The following DOCK2 variants were observed in gnomAD, a reference collection of about 807,000 sequenced individuals.
DOCK2 encodes dedicator of cytokinesis protein 2.
A neutral mutation model predicts 248.9 loss-of-function variants in DOCK2; 87 were observed. The observed-to-expected ratio is 0.35, with a 90% CI of 0.29 to 0.42. DOCK2 has a LOEUF of 0.42. DOCK2 is among the 10% of genes least tolerant of loss of function. The probability of loss-of-function intolerance (pLI) is 1.00; values close to 1 mark genes in which losing one functional copy is unlikely to be tolerated. For missense variants in DOCK2, 1,747 were observed against 2,300.2 expected (o/e 0.76, Z 4.92); for synonymous variants, 805 against 821.6 (o/e 0.98, Z 0.35).
intron 2 of DOCK2, among the ~76,000 whole-genome samples, chr5:169,660,617 G>A (rs1758393929): frequency 6.6e-6 from 1 of 152,212 alleles, no homozygotes; most frequent in Non-Finnish European, 1.5e-5. Context: ...GGCACACCAA[G>A]AGCCATAGGC....
chr5:169,867,199 G>C (rs1248802453), intron 27 of DOCK2, among the ~76,000 whole-genome samples: 1 of 152,218 alleles, frequency 6.6e-6, no homozygotes, highest in Non-Finnish European at 1.5e-5. Flanking sequence ...TCCAGGGTAT[G>C]GGCAGGACCC....
chr5:169,923,032 T>C (rs1264613074), intron 27 of DOCK2, among the ~76,000 whole-genome samples: 1 of 152,190 alleles, frequency 6.6e-6, no homozygotes, highest in Non-Finnish European at 1.5e-5. Flanking sequence ...TTCACAGATG[T>C]GGAAACTAAT....
chr5:169,996,757 C>A (rs527692056), intron 30 of DOCK2, among the ~76,000 whole-genome samples: 4 of 152,198 alleles, frequency 2.6e-5, no homozygotes, highest in African/African-American at 7.2e-5. Flanking sequence ...GAAGGCCCCC[C>A]ACAAAAGGAT....
intron 1 of DOCK2, among the ~76,000 whole-genome samples, chr5:169,642,896 T>G (rs1367017269): frequency 6.6e-6 from 1 of 152,236 alleles, no homozygotes; most frequent in Non-Finnish European, 1.5e-5. Context: ...TTTTGAGAGA[T>G]GAAATGTAGT....
At chr5:169,857,440 G>A (rs750108456) in intron 27 of DOCK2, among the ~76,000 whole-genome samples, 1 of 152,132 alleles carries the variant, frequency 6.6e-6, no homozygotes, top group Non-Finnish European at 1.5e-5. Flanking sequence ...ATGCCATGTA[G>A]ACCTCAGGGA....
At chr5:169,689,135 T>A (rs1760150262) in intron 8 of DOCK2, 117 bp from the exon 9 acceptor site, 1 of 890,910 alleles carries the variant, frequency 1.1e-6, no homozygotes, top group African/African-American at 1.7e-5. Context: ...CTTAAACACC[T>A]GCATACCCCC....
At chr5:169,875,597 T>C (rs193093692) in intron 27 of DOCK2, 22 of 236,972 alleles carry the variant, frequency 9.3e-5, no homozygotes, top group Admixed American at 5.7e-4. Flanking sequence ...CTCTCTCAGC[T>C]TCAATTGCCT....
chr5:169,685,441 C>T (rs1399871806), intron 8 of DOCK2, among the ~76,000 whole-genome samples: 3 of 152,182 alleles, frequency 2.0e-5, no homozygotes, highest in African/African-American at 7.2e-5. Context: ...CCTGTCTCCT[C>T]CATTGGGGTT....
At chr5:169,772,768 T>C (rs1765161628) in intron 25 of DOCK2, among the ~76,000 whole-genome samples, 2 of 152,190 alleles carry the variant, frequency 1.3e-5, no homozygotes, top group Admixed American at 1.3e-4. Flanking sequence ...CTCCCAATAC[T>C]GTGTTGAGAA....
intron 5 of DOCK2, 67 bp from the exon 6 acceptor site, chr5:169,674,230 C>G: frequency 6.3e-7 from 1 of 1,575,584 alleles, no homozygotes; most frequent in South Asian, 1.2e-5. Context: ...GACTTTGGCA[C>G]AGCCTGCCAA....
chr5:169,690,595 G>A (rs2113405297), intron 9 of DOCK2, among the ~76,000 whole-genome samples: 1 of 152,284 alleles, frequency 6.6e-6, no homozygotes, highest in Admixed American at 6.5e-5. Context: ...CCTCCATCCT[G>A]TTTATCTGTT....
At chr5:169,848,884 C>T (rs1770469842) in intron 27 of DOCK2, among the ~76,000 whole-genome samples, 1 of 152,174 alleles carries the variant, frequency 6.6e-6, no homozygotes, top group Non-Finnish European at 1.5e-5. Flanking sequence ...CTCCAGGAGG[C>T]ATCTGTGTCA....
chr5:170,017,717 G>T (rs924377472), intron 32 of DOCK2, among the ~76,000 whole-genome samples: 4 of 152,118 alleles, frequency 2.6e-5, no homozygotes, highest in Admixed American at 6.5e-5. Context: ...CCCGAGAAGG[G>T]AGACAAACTT....
intron 26 of DOCK2, among the ~76,000 whole-genome samples, chr5:169,812,143 A>G (rs972872251): frequency 6.6e-6 from 1 of 152,162 alleles, no homozygotes; most frequent in African/African-American, 2.4e-5. Flanking sequence ...GCAGCTGGAG[A>G]GCGAGTAAAA....
intron 26 of DOCK2, among the ~76,000 whole-genome samples, chr5:169,839,379 T>TGA (rs1306989433): frequency 6.6e-6 from 1 of 152,176 alleles, no homozygotes; most frequent in African/African-American, 2.4e-5. Context: ...TTTTTGTAGA[T>TGA]GAGAGAATTG....
At chr5:169,949,994 G>A (rs377385026) in intron 27 of DOCK2, among the ~76,000 whole-genome samples, 12 of 152,094 alleles carry the variant, frequency 7.9e-5, no homozygotes, top group African/African-American at 2.9e-4. Flanking sequence ...ACACAACCTC[G>A]CAATGAAGGA....
intron 15 of DOCK2, among the ~76,000 whole-genome samples, chr5:169,709,405 A>G (rs2113513236): frequency 6.6e-6 from 1 of 152,308 alleles, no homozygotes; most frequent in South Asian, 2.1e-4. Context: ...GTGTTTTATT[A>G]AAATAACGTT....
chr5:169,664,452 C>T (rs1258954272), intron 2 of DOCK2, among the ~76,000 whole-genome samples: 1 of 152,154 alleles, frequency 6.6e-6, no homozygotes, highest in Non-Finnish European at 1.5e-5. Context: ...TAGCAGTCCC[C>T]GACTTCTCTC....
At chr5:169,684,420 A>G in intron 8 of DOCK2, 70 bp downstream of exon 8, 1 of 1,554,444 alleles carries the variant, frequency 6.4e-7, no homozygotes, top group Non-Finnish European at 8.7e-7. Context: ...TTTTCTTTCC[A>G]TCCTCACTTG....
Sources: allele counts gnomAD v4.1 joint callset (sites outside exome capture counted in the v4.1 genomes callset), GRCh38; gene constraint gnomAD v4.1.1; transcripts MANE v1.5; gene names NCBI Gene and HGNC (gene_info 2026-07-23, HGNC 2026-07-21).